The following MRC2 variants were observed in gnomAD, a reference collection of about 807,000 sequenced individuals.
MRC2 encodes mannose receptor C-type 2.
In MRC2, 84 loss-of-function variants were observed where a neutral mutation model predicts 206.2. The ratio of observed to expected loss-of-function variants is 0.41; its 90% CI spans 0.34 to 0.49. MRC2 has a LOEUF of 0.49. Ranked by LOEUF, MRC2 falls within the 20% of genes least tolerant of loss-of-function variation. The pLI is 0.31. For synonymous variants in MRC2, 798 were observed against 800.0 expected (o/e 1.00, Z 0.04); for missense variants, 1,676 against 2,001.5 (o/e 0.84, Z 3.10).
chr17:62,646,211 A>T (rs1364644066), intron 1 of MRC2, among the ~76,000 whole-genome samples: 1 of 151,648 alleles, frequency 6.6e-6, no homozygotes, highest in African/African-American at 2.4e-5. Flanking sequence ...TTTTTAGTAG[A>T]GACGGGGTTT....
intron 1 of MRC2, among the ~76,000 whole-genome samples, chr17:62,644,483 G>A (rs976042097): frequency 6.6e-6 from 1 of 152,194 alleles, no homozygotes; most frequent in Non-Finnish European, 1.5e-5. Context: ...TCAGCACTTT[G>A]GGAGGCCAGG....
intron 1 of MRC2, among the ~76,000 whole-genome samples, chr17:62,651,721 G>A (rs2088558273): frequency 6.6e-6 from 1 of 151,940 alleles, no homozygotes; most frequent in South Asian, 2.1e-4. Context: ...CACCACATCT[G>A]CCACCATACC....
chr17:62,680,772 C>G lies in MRC2; in HGVS notation c.2474-28C>G, dbSNP rs760646801. 3 of 1,550,786 alleles carry G rather than the reference C, an allele frequency of 1.9e-6. No individual in the cohort carries two copies. The highest frequency in any genetic ancestry group is 1.9e-5 in the Admixed American group (1 of 53,444). On this transcript the variant is annotated intron_variant, in intron 16 of 29. Transcript: ENST00000303375. The surrounding 1 kb of genome is among the most constrained non-coding windows in gnomAD (Gnocchi z 4.8). ...TGGCGTGCAGCCTCTGCCTGGCCGC[C>G]GCTCCCACGCCCGCGCTGCTCCTGC...
Position 62,672,364 on chromosome 17 carries a change from A to C in MRC2, c.1461+212A>C, listed in dbSNP as rs553403288. 1.3e-5 allele frequency among the ~76,000 whole-genome samples: 2 copies of C among 152,246 alleles called. No individual in the cohort carries two copies. The highest frequency in any genetic ancestry group is 4.1e-4 in the South Asian group (2 of 4,820). ...CTCCACCTCCACCTCCAAGTAGCCA[A>C]GTCACCTTGGGCAAGTTACTAGAGG... On this transcript the variant is annotated intron_variant, in intron 8 of 29. Coordinates refer to ENST00000303375, the MANE Select transcript of MRC2 (RefSeq NM_006039.5). This position sits in a 1 kb window ranked among gnomAD's most constrained non-coding sequence, Gnocchi z 4.5.
rs1473673629 is a variant in MRC2 at position 62,675,939 on chromosome 17, G to A, written c.1685+34G>A. ...GGGGCGGGTGCCCTGACTAGCCCTT[G>A]CCCATGTCTGGGCCTATTGTGGTCC... On this transcript the variant is annotated intron_variant, in intron 10 of 29. Transcript: ENST00000303375. The surrounding 1 kb of genome is among the most constrained non-coding windows in gnomAD (Gnocchi z 4.1). The A allele has an allele frequency of 6.3e-7, 1 of 1,576,100 alleles. No homozygotes were observed. Among genetic ancestry groups the A allele is most frequent in the Non-Finnish European group, 8.7e-7 (1 of 1,146,060 alleles).
In MRC2 at chr17:62,681,047, G is replaced by A. The variant is rs748735436; in HGVS notation, c.2635-15G>A. On this transcript the variant is annotated splice_polypyrimidine_tract_variant and intron_variant, in intron 17 of 29. Coordinates refer to ENST00000303375, the MANE Select transcript of MRC2 (RefSeq NM_006039.5). ...GGGGGCTGCCTACCCACACCTGCCCGCCTGGCTTCTCCAGTTCTCCCGGGC... is the reference window on the plus strand; with the variant it reads ...GGGGGCTGCCTACCCACACCTGCCCACCTGGCTTCTCCAGTTCTCCCGGGC... 11 of 1,613,120 alleles carry A rather than the reference G, an allele frequency of 6.8e-6. No homozygotes were observed. Among genetic ancestry groups the A allele is most frequent in the Non-Finnish European group, 5.9e-6 (7 of 1,179,934 alleles).
chr17:62,651,114 T>C (rs2088550938), intron 1 of MRC2, among the ~76,000 whole-genome samples: 1 of 151,342 alleles, frequency 6.6e-6, no homozygotes, highest in Non-Finnish European at 1.5e-5. Context: ...AAACGCAGTC[T>C]CGCTCTGTCG....
In MRC2 at chr17:62,676,531, G is replaced by A. The variant is rs1360670498; in HGVS notation, c.1834G>A (p.Gly612Arg). 11 of 1,582,934 alleles carry A rather than the reference G, an allele frequency of 6.9e-6. No individual in the cohort carries two copies. Among genetic ancestry groups the A allele is most frequent in the South Asian group, 1.2e-5 (1 of 85,308 alleles). Residue 612 changes from glycine to arginine, a missense_variant and splice_region_variant, in exon 11 of 30, where the codon GGG becomes AGG. Physicochemically the swap from Gly to Arg is moderately radical, Grantham distance 125. Coordinates refer to ENST00000303375, the MANE Select transcript of MRC2 (RefSeq NM_006039.5). The stretch of plus-strand genomic sequence containing the variant: ...CACCCACTGGAACCGGGACCAGCCC[G>A]GTGAGCCCCTTATTTGACTTGCCTT... ...MYTHWNRDQPGYSRGGCVALA... is the reference protein window; with the variant it reads ...MYTHWNRDQPRYSRGGCVALA...
In MRC2 at chr17:62,672,081, A is replaced by G. The variant is rs759671726; in HGVS notation, c.1390A>G (p.Thr464Ala). Residue 464 changes from threonine (T) to alanine (A), a missense_variant, in exon 8 of 30, where the codon ACC becomes GCC. Transcript: ENST00000303375. The surrounding 1 kb of genome is among the most constrained non-coding windows in gnomAD (Gnocchi z 4.5). ...GTCTGACGGGAGCCTTGTGAGCTTC[A>G]CCCACTGGCACCCCTTTGAGCCCAA... is the stretch of plus-strand genomic sequence containing the variant. Reference protein sequence around the residue: ...EWSDGSLVSFTHWHPFEPNNF... With the variant: ...EWSDGSLVSFAHWHPFEPNNF... The G allele has an allele frequency of 6.2e-7, 1 of 1,613,810 alleles. No individual in the cohort carries two copies. The highest frequency in any genetic ancestry group is 8.5e-7 in the Non-Finnish European group (1 of 1,179,988).
chr17:62,667,573 C>T lies in MRC2; in HGVS notation c.1117+40C>T, dbSNP rs762392077. The T allele has an allele frequency of 5.1e-6, 8 of 1,568,732 alleles. No homozygotes were observed. In the South Asian group the frequency reaches 9.4e-5, roughly 18 times the overall value. On this transcript the variant is annotated intron_variant, in intron 6 of 29. Coordinates refer to ENST00000303375, the MANE Select transcript of MRC2 (RefSeq NM_006039.5). This position sits in a 1 kb window ranked among gnomAD's most constrained non-coding sequence, Gnocchi z 4.1. ...GTGCCGCAGGGTGGGGAGGGGCTCCCAGGGCCAGGGACACAGCCACAGAGC... is the reference window on the plus strand; with the variant it reads ...GTGCCGCAGGGTGGGGAGGGGCTCCTAGGGCCAGGGACACAGCCACAGAGC...
chr17:62,649,334 T>C (rs2088527417), intron 1 of MRC2, among the ~76,000 whole-genome samples: 2 of 152,262 alleles, frequency 1.3e-5, no homozygotes, highest in South Asian at 2.1e-4. Context: ...CTCATGCCTG[T>C]AATCCCAGCA....
In MRC2 at chr17:62,680,644, GGCCTGGGGCCTGGCACGGTGCCT is replaced by G; in HGVS notation, c.2474-148_2474-126del. 8.0e-7 allele frequency: 1 copy of G among 1,254,580 alleles called. No homozygotes were observed. Among genetic ancestry groups the G allele is most frequent in the Non-Finnish European group, 1.1e-6 (1 of 931,118 alleles). 77.7% of individuals were successfully genotyped at this position (1,254,580 alleles called of 1,614,324 possible). A position where few individuals can be genotyped will look rare whatever the true frequency, so the allele number is the denominator to read the frequency against. On this transcript the variant is annotated intron_variant, in intron 16 of 29. Transcript: ENST00000303375. The surrounding 1 kb of genome is among the most constrained non-coding windows in gnomAD (Gnocchi z 4.8). ...CGTGTGGGAGGCGAGGCAAGCCTGG[GGCCTGGGGCCTGGCACGGTGCCT>G]GCCTGGGTCCGGTGTGCCTGCAGGC... is the stretch of plus-strand genomic sequence containing the variant.
chr17:62,659,532 C>T (rs937754443), intron 1 of MRC2, among the ~76,000 whole-genome samples: 8 of 147,826 alleles, frequency 5.4e-5, no homozygotes, highest in Admixed American at 2.0e-4. Context: ...GGCAACAGAG[C>T]GAGACTCTGT....
chr17:62,675,983 C>A lies in MRC2; in HGVS notation c.1685+78C>A. 1 of 1,181,802 alleles carries A rather than the reference C, an allele frequency of 8.5e-7. No individual in the cohort carries two copies. Among genetic ancestry groups the A allele is most frequent in the Admixed American group, 1.8e-5 (1 of 56,130 alleles). 73.2% of individuals were successfully genotyped at this position (1,181,802 alleles called of 1,614,324 possible). A position where few individuals can be genotyped will look rare whatever the true frequency, so the allele number is the denominator to read the frequency against. On this transcript the variant is annotated intron_variant, in intron 10 of 29. Coordinates refer to ENST00000303375, the MANE Select transcript of MRC2 (RefSeq NM_006039.5). The surrounding 1 kb of genome is among the most constrained non-coding windows in gnomAD (Gnocchi z 4.1). The stretch of plus-strand genomic sequence containing the variant: ...GTGGTCCCTTCAGCAAACAGGGTAG[C>A]ATCTGCCATCATGCCCAGAGGGACC...
chr17:62,685,140 T>TCAAAA lies in MRC2; in HGVS notation c.2946+2779_2946+2783dup, dbSNP rs1014534460. On this transcript the variant is annotated intron_variant, in intron 20 of 29. Transcript: ENST00000303375. ...CTGGGCGAGAGATTGAGACTCTCTCTCAAAACAAAACAAAACAAAAACCAC... is the reference window on the plus strand; with the variant it reads ...CTGGGCGAGAGATTGAGACTCTCTCTCAAAACAAAACAAAACAAAACAAAAACCAC... 9.1e-5 allele frequency among the ~76,000 whole-genome samples: 12 copies of TCAAAA among 132,172 alleles called. No individual in the cohort carries two copies. The South Asian group carries it at 1.3e-3, about 14-fold the overall frequency. 86.7% of individuals were successfully genotyped at this position (132,172 alleles called of 152,430 possible).
chr17:62,655,662 T>A (rs2088609756), intron 1 of MRC2, among the ~76,000 whole-genome samples: 1 of 144,100 alleles, frequency 6.9e-6, no homozygotes. Context: ...AAGGCTGCAG[T>A]GAGCTATGAT....
chr17:62,656,763 T>C (rs1337626440), intron 1 of MRC2, among the ~76,000 whole-genome samples: 3 of 152,260 alleles, frequency 2.0e-5, no homozygotes, highest in Non-Finnish European at 4.4e-5. Context: ...AAAAAAGGAA[T>C]GCAGGAGCCC....
At chr17:62,682,679 T>C (rs2088983878) in intron 20 of MRC2, among the ~76,000 whole-genome samples, 2 of 151,584 alleles carry the variant, frequency 1.3e-5, no homozygotes, top group Admixed American at 1.3e-4. Flanking sequence ...TTCACTCTTG[T>C]CACCCAGGCT....
chr17:62,647,455 G>T (rs71375871), intron 1 of MRC2, among the ~76,000 whole-genome samples: 3 of 151,864 alleles, frequency 2.0e-5, no homozygotes, highest in African/African-American at 7.3e-5. Context: ...GAAGTGCTGA[G>T]ATTACAAGTG....
Sources: gnomAD v4.1 joint callset for allele counts (sites outside exome capture counted in the v4.1 genomes callset) on GRCh38, gnomAD v4.1.1 for gene constraint, Gnocchi (gnomAD v3.1) non-coding constraint, MANE v1.5 for transcripts, NCBI Gene and HGNC (gene_info 2026-07-23, HGNC 2026-07-21) for gene names.